Variants in CNTN4 observed in about 807,000 individuals in gnomAD.
CNTN4 encodes the protein contactin 4, also known as contactin-4.
A neutral mutation model predicts 122.5 loss-of-function variants in CNTN4; 77 were observed. The observed-to-expected ratio is 0.63, with a 90% CI of 0.52 to 0.76. The LOEUF is 0.76. CNTN4 is among the 30% of genes least tolerant of loss of function. The probability of loss-of-function intolerance (pLI) is 0.00; values close to 1 mark genes in which losing one functional copy is unlikely to be tolerated. For synonymous variants in CNTN4, 512 were observed against 447.0 expected (o/e 1.15, Z -1.83); for missense variants, 1,256 against 1,259.1 (o/e 1.00, Z 0.04).
In CNTN4 at chr3:3,043,034, G is replaced by A; in HGVS notation, c.2569G>A (p.Gly857Arg). The A allele has an allele frequency of 6.2e-7, 1 of 1,614,104 alleles. No homozygotes were observed. The highest frequency in any genetic ancestry group is 8.5e-7 in the Non-Finnish European group (1 of 1,179,990). The change falls in exon 22 of 25, where the codon GGA becomes AGA. Residue 857 changes from glycine to arginine, a missense_variant. Coordinates refer to ENST00000418658, the MANE Select transcript of CNTN4 (RefSeq NM_175607.3). The stretch of plus-strand genomic sequence containing the variant: ...AAATGCTAGAAAAATACGAACAGTT[G>A]GAAATCAGACATCAACAAAAATCAC... ...EENARKIRTV[G>R]NQTSTKITNL...
chr3:2,878,230 C>T (rs1324928165), intron 8 of CNTN4, among the ~76,000 whole-genome samples: 7 of 152,162 alleles, frequency 4.6e-5, no homozygotes, highest in Non-Finnish European at 1.5e-5. Context: ...AAATCACTCA[C>T]TCTGTGTGAC....
At chr3:2,822,465 T>C (rs545474979) in intron 7 of CNTN4, among the ~76,000 whole-genome samples, 19 of 152,314 alleles carry the variant, frequency 1.2e-4, no homozygotes, top group African/African-American at 4.6e-4. Flanking sequence ...AGAAAACCAC[T>C]TCACTGTGGA....
intron 3 of CNTN4, among the ~76,000 whole-genome samples, chr3:2,397,376 G>A (rs933599535): frequency 3.3e-5 from 5 of 152,036 alleles, no homozygotes; most frequent in Admixed American, 1.3e-4. Flanking sequence ...GTTTTCTTTG[G>A]TTCTGTCTTT....
intron 2 of CNTN4, among the ~76,000 whole-genome samples, chr3:2,273,198 T>C (rs748879415): frequency 1.3e-5 from 2 of 152,234 alleles, no homozygotes; most frequent in African/African-American, 2.4e-5. Context: ...TGTGATACTT[T>C]TAAATTATCT....
intron 3 of CNTN4, among the ~76,000 whole-genome samples, chr3:2,424,533 C>T (rs2047743364): frequency 6.6e-6 from 1 of 152,122 alleles, no homozygotes; most frequent in South Asian, 2.1e-4. Flanking sequence ...CATATGTGTG[C>T]ATGTATCTTT....
intron 3 of CNTN4, among the ~76,000 whole-genome samples, chr3:2,495,999 A>G (rs1319589179): frequency 3.3e-5 from 5 of 152,224 alleles, no homozygotes; most frequent in East Asian, 1.9e-4. Context: ...AACCATCCAG[A>G]TGATAGATTT....
At chr3:2,917,432 CAT>C (rs2094380901) in intron 12 of CNTN4, among the ~76,000 whole-genome samples, 1 of 151,256 alleles carries the variant, frequency 6.6e-6, no homozygotes, top group African/African-American at 2.5e-5. Flanking sequence ...CTTGAAGACT[CAT>C]ATGTATTACT....
chr3:2,716,661 T>C (rs1576552211), intron 4 of CNTN4, among the ~76,000 whole-genome samples: 1 of 152,222 alleles, frequency 6.6e-6, no homozygotes, highest in Non-Finnish European at 1.5e-5. Context: ...AGTTTTAAAA[T>C]GTATAAATCA....
At chr3:2,933,632 T>C (rs2094544039) in intron 13 of CNTN4, among the ~76,000 whole-genome samples, 2 of 152,230 alleles carry the variant, frequency 1.3e-5, no homozygotes, top group South Asian at 4.1e-4. Flanking sequence ...CCCACCACTC[T>C]GACCTCTCTT....
intron 2 of CNTN4, among the ~76,000 whole-genome samples, chr3:2,104,933 A>G (rs1486365095): frequency 6.6e-6 from 1 of 152,112 alleles, no homozygotes; most frequent in Non-Finnish European, 1.5e-5. Context: ...TCCCATTCTT[A>G]GTGCATATGG....
rs557383795 is a variant in CNTN4 at position 2,345,265 on chromosome 3, T to TA, written c.-89+6033dup. Among the ~76,000 whole-genome samples the TA allele has an allele frequency of 5.3e-5, 8 of 152,338 alleles. No homozygotes were observed. In the South Asian group the frequency reaches 1.5e-3, roughly 28 times the overall value. On this transcript the variant is annotated intron_variant, in intron 3 of 24. Coordinates refer to ENST00000418658, the MANE Select transcript of CNTN4 (RefSeq NM_175607.3). ...GTCTATCATTTTTATGATTTTTTTT[T>TA]ACCCTTTCAGACACATTTTAGAGAT...
intron 3 of CNTN4, among the ~76,000 whole-genome samples, chr3:2,365,859 T>C (rs1343152008): frequency 6.6e-6 from 1 of 152,234 alleles, no homozygotes; most frequent in Non-Finnish European, 1.5e-5. Context: ...CAGAAGTCTG[T>C]CTATGTTGGG....
chr3:2,303,104 G>T (rs1324200884), intron 2 of CNTN4, among the ~76,000 whole-genome samples: 3 of 152,124 alleles, frequency 2.0e-5, no homozygotes, highest in Non-Finnish European at 4.4e-5. Context: ...TTCAGATAAG[G>T]TGCTGGCACT....
At chr3:2,403,657 T>G (rs1213578344) in intron 3 of CNTN4, among the ~76,000 whole-genome samples, 1 of 152,194 alleles carries the variant, frequency 6.6e-6, no homozygotes, top group Non-Finnish European at 1.5e-5. Flanking sequence ...CATCAAATAA[T>G]GTACTCAAAC....
At chr3:2,633,998 C>T (rs972874828) in intron 4 of CNTN4, among the ~76,000 whole-genome samples, 1 of 152,076 alleles carries the variant, frequency 6.6e-6, no homozygotes, top group Non-Finnish European at 1.5e-5. Flanking sequence ...ATATCCTATC[C>T]CTTACAAGAA....
intron 3 of CNTN4, among the ~76,000 whole-genome samples, chr3:2,546,321 A>G (rs189569212): frequency 7.5e-6 from 1 of 133,276 alleles, no homozygotes; most frequent in Admixed American, 8.1e-5. Flanking sequence ...AATACTATGC[A>G]GCCAAAAAAA....
chr3:2,884,342 G>A (rs541450786), intron 9 of CNTN4, among the ~76,000 whole-genome samples: 2 of 151,976 alleles, frequency 1.3e-5, no homozygotes, highest in South Asian at 2.1e-4. Context: ...TTTTATTGTC[G>A]GTTCTAATAG....
At chr3:2,917,764 T>C (rs2218) in intron 12 of CNTN4, among the ~76,000 whole-genome samples, 85,909 of 151,992 alleles carry the variant, frequency 0.57, 24,319 homozygotes, top group East Asian at 0.69. Context: ...CTTTCTAACT[T>C]ATAAGATTGT....
chr3:2,638,630 A>C (rs1244642087), intron 4 of CNTN4, among the ~76,000 whole-genome samples: 1 of 152,128 alleles, frequency 6.6e-6, no homozygotes. Context: ...ATTTCTTTAT[A>C]TGAAAACTAA....
Sources: allele counts gnomAD v4.1 joint callset (sites outside exome capture counted in the v4.1 genomes callset), GRCh38; gene constraint gnomAD v4.1.1; transcripts MANE v1.5; gene names NCBI Gene and HGNC (gene_info 2026-07-23, HGNC 2026-07-21).